The following TEX11 variants were observed in gnomAD, a reference collection of about 807,000 sequenced individuals.
TEX11 encodes testis-expressed protein 11.
Under a neutral mutation model 84.4 loss-of-function variants are expected in TEX11, and 7 were observed. That is an observed-to-expected ratio of 0.08 (90% CI 0.05 to 0.16). TEX11 has a LOEUF of 0.16. Among genes scored for constraint, TEX11 ranks in the 10% least tolerant of loss-of-function variants. The pLI is 1.00. For missense variants in TEX11, 551 were observed against 660.5 expected, an observed-to-expected ratio of 0.83 and a Z score of 1.82; for synonymous variants, 264 against 222.8, an observed-to-expected ratio of 1.18 and a Z score of -1.64.
intron 20 of TEX11, among the ~76,000 whole-genome samples, chrX:70,615,225 G>GAAAC (rs957452863): frequency 4.5e-5 from 5 of 111,713 alleles, no homozygotes; most frequent in Non-Finnish European, 7.5e-5. Flanking sequence ...CAGTTCTGGA[G>GAAAC]AAACAGAGGT....
Position 70,743,027 on chromosome X carries a change from C to T in TEX11, c.747+1138G>A, listed in dbSNP as rs988819123. On this transcript the variant is annotated intron_variant, in intron 10 of 29. Transcript: ENST00000374333. ...TTGCAAAACTGAAACTCTATACCCA[C>T]TAAACAATAGTTCCCAATTCTCCCC... Among the ~76,000 whole-genome samples the T allele has an allele frequency of 4.5e-5, 5 of 111,538 alleles. No homozygotes were observed. The East Asian group carries it at 8.4e-4, about 19-fold the overall frequency.
chrX:70,555,578 C>G (rs2088275930), intron 25 of TEX11, among the ~76,000 whole-genome samples: 1 of 111,862 alleles, frequency 8.9e-6, no homozygotes, highest in Admixed American at 9.6e-5. Flanking sequence ...TAGCAACTAT[C>G]TTTGCTTTTC....
chrX:70,520,057 C>T, the TEX11 span, among the ~76,000 whole-genome samples: 2 of 111,596 alleles, frequency 1.8e-5, no homozygotes, highest in African/African-American at 3.3e-5. Context: ...GCAATGGGTT[C>T]GAACATCCTC....
chrX:70,605,354 A>C, intron 24 of TEX11, 47 bp downstream of exon 24: 2 of 895,845 alleles, frequency 2.2e-6, no homozygotes, highest in Non-Finnish European at 3.2e-6. Flanking sequence ...CAAACATATC[A>C]AATAGCACAC....
In TEX11 at chrX:70,777,032, TTTA is replaced by T. The variant is rs1222545831; in HGVS notation, c.692+29670_692+29672del. Among the ~76,000 whole-genome samples the T allele has an allele frequency of 7.4e-5, 8 of 108,520 alleles. No homozygotes were observed. In the East Asian group the frequency reaches 2.0e-3, roughly 28 times the overall value. 94.2% of individuals were successfully genotyped at this position (108,520 alleles called of 115,157 possible). A position where few individuals can be genotyped will look rare whatever the true frequency, so the allele number is the denominator to read the frequency against. ...GTAAAGTGTTATATTCTTTTATTTATTTATTATTATTATTATTTTTTTTTTTGT... is the reference window on the plus strand; with the variant it reads ...GTAAAGTGTTATATTCTTTTATTTATTTATTATTATTATTTTTTTTTTTGT... On this transcript the variant is annotated intron_variant, in intron 9 of 29. Coordinates refer to ENST00000374333, the MANE Select transcript of TEX11 (RefSeq NM_031276.3).
At chrX:70,552,369 C>A (rs2088227475) in intron 27 of TEX11, 123 bp from the exon 28 acceptor site, 1 of 865,307 alleles carries the variant, frequency 1.2e-6, no homozygotes, top group African/African-American at 2.1e-5. Context: ...GTTCTTCCCT[C>A]GGTTTTATCT....
chrX:70,643,184 A>T (rs1456035206), intron 17 of TEX11, among the ~76,000 whole-genome samples: 1 of 98,078 alleles, frequency 1.0e-5, no homozygotes, highest in African/African-American at 3.8e-5. Context: ...CTTCAAAGAG[A>T]ATAAAATACC....
intron 8 of TEX11, among the ~76,000 whole-genome samples, chrX:70,807,286 C>T (rs1047143820): frequency 9.0e-6 from 1 of 110,730 alleles, no homozygotes; most frequent in East Asian, 2.8e-4. Flanking sequence ...TCTAAAAATT[C>T]TGAAGTTCTA....
the TEX11 span, among the ~76,000 whole-genome samples, chrX:70,523,718 C>T: frequency 9.2e-6 from 1 of 108,945 alleles, no homozygotes; most frequent in African/African-American, 3.3e-5. Context: ...CCCGCCTCGG[C>T]CTCCCAAAGT....
chrX:70,734,687 C>A (rs1267077870), intron 11 of TEX11, among the ~76,000 whole-genome samples: 2 of 112,274 alleles, frequency 1.8e-5, no homozygotes, highest in Non-Finnish European at 3.8e-5. Context: ...GTATACCTCT[C>A]CTTGTATACA....
At chrX:70,547,198 C>T (rs1180669604) in intron 28 of TEX11, among the ~76,000 whole-genome samples, 2 of 110,030 alleles carry the variant, frequency 1.8e-5, no homozygotes, top group East Asian at 2.8e-4. Flanking sequence ...AGACAGAAAG[C>T]GGATCTGTGG....
chrX:70,596,156 G>C (rs2089004116), intron 24 of TEX11, among the ~76,000 whole-genome samples: 1 of 111,640 alleles, frequency 9.0e-6, no homozygotes, highest in Non-Finnish European at 1.9e-5. Flanking sequence ...GGGTAGAATT[G>C]AAGAAAGAAA....
chrX:70,630,041 G>A (rs1228578768), intron 17 of TEX11, among the ~76,000 whole-genome samples: 3 of 111,632 alleles, frequency 2.7e-5, no homozygotes, highest in Admixed American at 9.5e-5. Flanking sequence ...GGCCAGGCGC[G>A]GTGGCTCACG....
chrX:70,615,109 A>G lies in TEX11; in HGVS notation c.1752-4566T>C, dbSNP rs750593487. 3.6e-5 allele frequency among the ~76,000 whole-genome samples: 4 copies of G among 110,852 alleles called. No homozygotes were observed. In the South Asian group the frequency reaches 1.6e-3, roughly 43 times the overall value. ...ATAAGCCCAGAATGCAAAGACTACA[A>G]TAATACTAATTATTCAGTGCCCAGA... On this transcript the variant is annotated intron_variant, in intron 20 of 29. Transcript: ENST00000374333.
intron 16 of TEX11, among the ~76,000 whole-genome samples, chrX:70,656,113 GTA>G (rs774232604): frequency 1.7e-4 from 17 of 101,165 alleles, no homozygotes; most frequent in South Asian, 4.6e-4. Flanking sequence ...AGGTAGCTGT[GTA>G]TATATATATA....
At chrX:70,679,828 T>C (rs1320106224) in intron 14 of TEX11, among the ~76,000 whole-genome samples, 1 of 71,101 alleles carries the variant, frequency 1.4e-5, no homozygotes, top group Admixed American at 1.6e-4. Flanking sequence ...GGGAGGGAGG[T>C]GGGAGGGGTC....
At chrX:70,792,721 A>C (rs984135961) in intron 9 of TEX11, among the ~76,000 whole-genome samples, 1 of 110,181 alleles carries the variant, frequency 9.1e-6, no homozygotes. Context: ...AAAGCCCTGG[A>C]CCTAGAATTT....
chrX:70,727,740 A>G (rs1474996647), intron 11 of TEX11, among the ~76,000 whole-genome samples: 2 of 110,800 alleles, frequency 1.8e-5, no homozygotes, highest in African/African-American at 6.6e-5. Flanking sequence ...AAAAGACATG[A>G]GAGAGATGAG....
chrX:70,850,578 C>CAA (rs58993434), intron 7 of TEX11, among the ~76,000 whole-genome samples: 9 of 80,803 alleles, frequency 1.1e-4, no homozygotes, highest in African/African-American at 3.6e-4. Context: ...CCTCCCTCTA[C>CAA]AAAAAAAAAA....
Sources: gnomAD v4.1 joint callset for allele counts (sites outside exome capture counted in the v4.1 genomes callset) on GRCh38, gnomAD v4.1.1 for gene constraint, MANE v1.5 for transcripts, NCBI Gene and HGNC (gene_info 2026-07-23, HGNC 2026-07-21) for gene names.